The following GPR158 variants were observed in gnomAD, a reference collection of about 807,000 sequenced individuals.
The protein encoded by GPR158 is metabotropic glycine receptor.
GPR158 carries 30 observed loss-of-function variants against 78.2 expected under a neutral mutation model. The observed-to-expected ratio is 0.38, with a 90% confidence interval of 0.29 to 0.52. The LOEUF is 0.52. Among genes scored for constraint, GPR158 ranks in the 20% least tolerant of loss-of-function variants. GPR158 has a pLI of 0.83. For synonymous variants in GPR158, 581 were observed against 591.1 expected (o/e 0.98, Z 0.25); for missense variants, 1,463 against 1,523.5 (o/e 0.96, Z 0.66).
chr10:25,519,296 C>T (rs1472404457), intron 5 of GPR158, among the ~76,000 whole-genome samples: 1 of 143,050 alleles, frequency 7.0e-6, no homozygotes, highest in Non-Finnish European at 1.5e-5. Context: ...TTCCTGAATA[C>T]AGCACACTGG....
At position 25,176,668 on chromosome 10, in the gene GPR158, G is replaced by A. The variant is rs1191770357; in HGVS notation, c.902+346G>A. Among the ~76,000 whole-genome samples, 1 of 152,172 alleles carries A rather than the reference G, an allele frequency of 6.6e-6. No individual in the cohort carries two copies. The highest frequency in any genetic ancestry group is 1.5e-5 in the Non-Finnish European group (1 of 68,000). On this transcript the variant is annotated intron_variant, in intron 1 of 10. Transcript: ENST00000376351. This position sits in a 1 kb window ranked among gnomAD's most constrained non-coding sequence, Gnocchi z 6.3. ...AGAGCAGGGAGGGGCGTTCCCCACC[G>A]GGGGGCGATGCGACAACTTGGCGAG...
intron 2 of GPR158, among the ~76,000 whole-genome samples, chr10:25,346,602 A>G (rs888120808): frequency 5.3e-5 from 8 of 151,886 alleles, no homozygotes; most frequent in African/African-American, 1.7e-4. Flanking sequence ...TATTATTCCC[A>G]TAGGACATTT....
At chr10:25,547,527 C>T (rs1365700374) in intron 5 of GPR158, among the ~76,000 whole-genome samples, 1 of 152,162 alleles carries the variant, frequency 6.6e-6, no homozygotes, top group African/African-American at 2.4e-5. Context: ...CTTTCGTTCT[C>T]GCTCACTTGT....
intron 2 of GPR158, among the ~76,000 whole-genome samples, chr10:25,347,655 G>A (rs1380948117): frequency 6.6e-6 from 1 of 151,956 alleles, no homozygotes; most frequent in African/African-American, 2.4e-5. Context: ...TCTTTGTAGG[G>A]TATATAGATA....
At chr10:25,492,478 G>A (rs1329255) in intron 5 of GPR158, among the ~76,000 whole-genome samples, 70,502 of 151,496 alleles carry the variant, frequency 0.47, 17,619 homozygotes, top group East Asian at 0.79. Flanking sequence ...TCCACTGTAT[G>A]TTCCAATTAG....
At chr10:25,386,630 A>G (rs1171733196) in intron 2 of GPR158, among the ~76,000 whole-genome samples, 3 of 152,112 alleles carry the variant, frequency 2.0e-5, no homozygotes, top group Admixed American at 2.0e-4. Context: ...TCTTTCAGCA[A>G]TATTTTACAG....
intron 1 of GPR158, among the ~76,000 whole-genome samples, chr10:25,204,665 T>C (rs889025108): frequency 1.3e-5 from 2 of 152,212 alleles, no homozygotes; most frequent in African/African-American, 4.8e-5. Flanking sequence ...CAGTATTTTA[T>C]TGAGGATTTT....
chr10:25,253,915 T>C (rs543081099), intron 2 of GPR158, among the ~76,000 whole-genome samples: 1 of 152,292 alleles, frequency 6.6e-6, no homozygotes, highest in East Asian at 1.9e-4. Flanking sequence ...GTAATAAAAT[T>C]GTAGGAACCA....
At chr10:25,196,229 T>TAA (rs914573569) in intron 1 of GPR158, among the ~76,000 whole-genome samples, 1 of 149,472 alleles carries the variant, frequency 6.7e-6, no homozygotes, top group Non-Finnish European at 1.5e-5. Context: ...TTTTCTCCTT[T>TAA]AAAAAAAAAA....
chr10:25,403,612 A>G (rs1415995222), intron 3 of GPR158, among the ~76,000 whole-genome samples: 3 of 152,058 alleles, frequency 2.0e-5, no homozygotes, highest in African/African-American at 7.2e-5. Context: ...GTTGCTCAGA[A>G]CTGAGATTTC....
At chr10:25,298,738 A>AT (rs1472735115) in intron 2 of GPR158, among the ~76,000 whole-genome samples, 7 of 152,096 alleles carry the variant, frequency 4.6e-5, no homozygotes, top group Non-Finnish European at 1.0e-4. Context: ...TTTAAAAATT[A>AT]TTTTTTACTG....
intron 2 of GPR158, among the ~76,000 whole-genome samples, chr10:25,323,728 T>C (rs1464742274): frequency 6.6e-6 from 1 of 151,446 alleles, no homozygotes; most frequent in Non-Finnish European, 1.5e-5. Context: ...ATGTTGCCCA[T>C]GCTGGTCTCA....
chr10:25,443,046 A>G (rs758414260), intron 4 of GPR158, among the ~76,000 whole-genome samples: 38 of 151,968 alleles, frequency 2.5e-4, no homozygotes, highest in Non-Finnish European at 4.6e-4. Flanking sequence ...GTTGACATGG[A>G]CCCTTTCTAT....
intron 2 of GPR158, among the ~76,000 whole-genome samples, chr10:25,367,119 A>G (rs1855735689): frequency 1.3e-5 from 2 of 151,650 alleles, no homozygotes; most frequent in African/African-American, 4.8e-5. Flanking sequence ...TAGAAACTTA[A>G]TTGCTTTCTA....
intron 4 of GPR158, among the ~76,000 whole-genome samples, chr10:25,458,699 A>AC (rs1275684032): frequency 6.6e-6 from 1 of 152,228 alleles, no homozygotes; most frequent in East Asian, 1.9e-4. Context: ...CAAAGGTTGA[A>AC]CAACTTGCCC....
Position 25,175,163 on chromosome 10 carries a change from G to A in GPR158, c.-258G>A, listed in dbSNP as rs1852504687. 2.4e-6 allele frequency: 1 copy of A among 410,264 alleles called. No homozygotes were observed. Among genetic ancestry groups the A allele is most frequent in the Admixed American group, 4.1e-5 (1 of 24,102 alleles). 25.4% of individuals were successfully genotyped at this position (410,264 alleles called of 1,614,324 possible). A position where few individuals can be genotyped will look rare whatever the true frequency, so the allele number is the denominator to read the frequency against. ...TGTAACCCGCTCGGCTCCAGGCTGCGAGGTGCGTAATCCCCAGCCGGCCCC... is the reference window on the plus strand; with the variant it reads ...TGTAACCCGCTCGGCTCCAGGCTGCAAGGTGCGTAATCCCCAGCCGGCCCC... On this transcript the variant is annotated 5_prime_UTR_variant, in exon 1 of 11. Coordinates refer to ENST00000376351, the MANE Select transcript of GPR158 (RefSeq NM_020752.3). This position sits in a 1 kb window ranked among gnomAD's most constrained non-coding sequence, Gnocchi z 6.4.
chr10:25,495,450 G>A (rs1322793935), intron 5 of GPR158, among the ~76,000 whole-genome samples: 8 of 151,360 alleles, frequency 5.3e-5, no homozygotes, highest in Non-Finnish European at 7.4e-5. Flanking sequence ...CTGCCATCAC[G>A]CCCGGCCAAT....
At chr10:25,395,808 T>C (rs759716437) in intron 2 of GPR158, 103 bp from the exon 3 acceptor site, 42 of 529,782 alleles carry the variant, frequency 7.9e-5, no homozygotes, top group Non-Finnish European at 1.3e-4. Flanking sequence ...TTCTGGAAAA[T>C]GTGTTAGTTT....
At chr10:25,491,488 C>T (rs940057517) in intron 5 of GPR158, among the ~76,000 whole-genome samples, 1 of 152,108 alleles carries the variant, frequency 6.6e-6, no homozygotes, top group African/African-American at 2.4e-5. Flanking sequence ...TTTCAGAGTT[C>T]ATTTGTTTCT....
Sources: allele counts gnomAD v4.1 joint callset (sites outside exome capture counted in the v4.1 genomes callset), GRCh38; gene constraint gnomAD v4.1.1; non-coding constraint Gnocchi (gnomAD v3.1); transcripts MANE v1.5; gene names NCBI Gene and HGNC (gene_info 2026-07-23, HGNC 2026-07-21).